The following CTNNA2 variants were observed in gnomAD, a reference collection of about 807,000 sequenced individuals.
CTNNA2 encodes the protein catenin alpha-2.
A neutral mutation model predicts 101.0 loss-of-function variants in CTNNA2; 42 were observed. That is an observed-to-expected ratio of 0.42 (90% CI 0.32 to 0.54). The LOEUF is 0.54. CTNNA2 is among the 20% of genes least tolerant of loss of function. The probability of loss-of-function intolerance (pLI) is 0.14; values close to 1 mark genes in which losing one functional copy is unlikely to be tolerated. For synonymous variants in CTNNA2, 450 were observed against 456.4 expected, an observed-to-expected ratio of 0.99 and a Z score of 0.18; for missense variants, 871 against 1,223.1, an observed-to-expected ratio of 0.71 and a Z score of 4.29.
intron 3 of CTNNA2, among the ~76,000 whole-genome samples, chr2:79,811,771 T>G (rs1378236914): frequency 6.6e-6 from 1 of 152,214 alleles, no homozygotes; most frequent in African/African-American, 2.4e-5. Context: ...AGAATTCTGC[T>G]ATGATTCATC....
chr2:79,647,092 C>T (rs533409562), intron 1 of CTNNA2, among the ~76,000 whole-genome samples: 5 of 152,120 alleles, frequency 3.3e-5, no homozygotes, highest in African/African-American at 7.2e-5. Context: ...GGCAAACAGA[C>T]GGTATTAATT....
intron 1 of CTNNA2, among the ~76,000 whole-genome samples, chr2:79,625,842 T>C (rs368046412): frequency 1.3e-5 from 2 of 152,326 alleles, no homozygotes; most frequent in African/African-American, 4.8e-5. Context: ...TATAGATAAA[T>C]TGAGAATAAT....
At chr2:79,194,491 A>G (rs888529895) in intron 1 of CTNNA2, among the ~76,000 whole-genome samples, 1 of 152,184 alleles carries the variant, frequency 6.6e-6, no homozygotes, top group Non-Finnish European at 1.5e-5. Context: ...CTCTGGCAAG[A>G]CACACCCAAT....
At chr2:80,565,518 AC>A (rs1200621058) in intron 12 of CTNNA2, among the ~76,000 whole-genome samples, 1 of 148,008 alleles carries the variant, frequency 6.8e-6, no homozygotes, top group African/African-American at 2.5e-5. Flanking sequence ...CATTATGCTC[AC>A]CTTTTTTTTT....
intron 6 of CTNNA2, among the ~76,000 whole-genome samples, chr2:79,880,080 G>A (rs932907499): frequency 2.0e-5 from 3 of 152,168 alleles, no homozygotes; most frequent in African/African-American, 7.2e-5. Flanking sequence ...AGATAATCAT[G>A]TGGTTTTGTC....
chr2:80,394,978 T>C (rs1171251695), intron 8 of CTNNA2, among the ~76,000 whole-genome samples: 1 of 152,208 alleles, frequency 6.6e-6, no homozygotes, highest in African/African-American at 2.4e-5. Context: ...ATTACATTTT[T>C]TTTTACATTC....
intron 13 of CTNNA2, among the ~76,000 whole-genome samples, chr2:80,576,614 T>G (rs1321111885): frequency 6.6e-6 from 1 of 151,846 alleles, no homozygotes; most frequent in Non-Finnish European, 1.5e-5. Context: ...ACTGTGAGCT[T>G]CTGGCCACAC....
At chr2:80,194,280 G>A (rs1706698433) in intron 7 of CTNNA2, among the ~76,000 whole-genome samples, 7 of 152,184 alleles carry the variant, frequency 4.6e-5, no homozygotes, top group Admixed American at 4.6e-4. Flanking sequence ...ACATGCTGAT[G>A]CTTCAGATTA....
At chr2:79,693,421 C>G (rs1511182) in intron 2 of CTNNA2, among the ~76,000 whole-genome samples, 39,085 of 151,900 alleles carry the variant, frequency 0.26, 5,432 homozygotes, top group East Asian at 0.54. Context: ...GCATTTGCTT[C>G]ATGACATACC....
At chr2:79,411,861 C>T (rs1436537351) in intron 4 of CTNNA2, among the ~76,000 whole-genome samples, 4 of 152,076 alleles carry the variant, frequency 2.6e-5, no homozygotes, top group African/African-American at 9.7e-5. Context: ...AACCAGCTAA[C>T]ATCATAATGA....
At chr2:79,873,950 G>T in intron 5 of CTNNA2, 126 bp from the exon 6 acceptor site, 1 of 1,413,850 alleles carries the variant, frequency 7.1e-7, no homozygotes, top group Non-Finnish European at 9.4e-7. Context: ...AGGCCTGGCA[G>T]CTAGAAACAG....
intron 7 of CTNNA2, among the ~76,000 whole-genome samples, chr2:80,389,078 C>T (rs906407114): frequency 6.6e-6 from 1 of 152,150 alleles, no homozygotes; most frequent in South Asian, 2.1e-4. Context: ...GCAAGGTTTT[C>T]GTACATTATC....
chr2:79,475,187 G>A (rs1430636), intron 4 of CTNNA2, among the ~76,000 whole-genome samples: 103,173 of 151,398 alleles, frequency 0.68, 35,248 homozygotes, highest in African/African-American at 0.7. Flanking sequence ...CTTTTCTTCA[G>A]TTTTATTTCA....
intron 9 of CTNNA2, among the ~76,000 whole-genome samples, chr2:80,447,627 T>G (rs1009110679): frequency 3.9e-5 from 6 of 152,212 alleles, no homozygotes; most frequent in African/African-American, 1.4e-4. Context: ...TATTCCTCCT[T>G]TCCTTCCTCT....
chr2:79,250,203 G>A (rs2104270458), intron 2 of CTNNA2, among the ~76,000 whole-genome samples: 1 of 152,242 alleles, frequency 6.6e-6, no homozygotes, highest in Middle Eastern at 3.4e-3. Flanking sequence ...AAGTCATTTA[G>A]TAGGGAATTA....
At chr2:80,375,477 A>AACAT (rs1355074731) in intron 7 of CTNNA2, among the ~76,000 whole-genome samples, 5 of 152,064 alleles carry the variant, frequency 3.3e-5, no homozygotes, top group Admixed American at 3.3e-4. Flanking sequence ...TTGAACCCAT[A>AACAT]ACATGGTGAC....
rs186061131 is a variant in CTNNA2 at position 80,313,375 on chromosome 2, G to A, written c.1057-79836G>A. On this transcript the variant is annotated intron_variant, in intron 7 of 18. Coordinates refer to ENST00000402739, the MANE Select transcript of CTNNA2 (RefSeq NM_001282597.3). ...TTGTAAGTCAGATGGAATTTTACCCGATGAGAAGCAGAGTTAGATAAAATG... is the reference window on the plus strand; with the variant it reads ...TTGTAAGTCAGATGGAATTTTACCCAATGAGAAGCAGAGTTAGATAAAATG... 145 of 1,336,850 alleles carry A rather than the reference G, an allele frequency of 1.1e-4. No individual in the cohort carries two copies. In the East Asian group the frequency reaches 2.7e-3, roughly 25 times the overall value. The allele number at this position is 1,336,850 out of a possible 1,614,324, so 82.8% of individuals were successfully genotyped here. A position where few individuals can be genotyped will look rare whatever the true frequency, so the allele number is the denominator to read the frequency against.
chr2:79,771,456 A>G (rs1573927451), intron 3 of CTNNA2, among the ~76,000 whole-genome samples: 1 of 152,228 alleles, frequency 6.6e-6, no homozygotes, highest in African/African-American at 2.4e-5. Flanking sequence ...GTAATATACA[A>G]TGAAATAATT....
chr2:80,636,170 G>C lies in CTNNA2; in HGVS notation c.2575-11415G>C, dbSNP rs530815152. On this transcript the variant is annotated intron_variant, in intron 18 of 18. Coordinates refer to ENST00000402739, the MANE Select transcript of CTNNA2 (RefSeq NM_001282597.3). Reference sequence around the variant, plus strand: ...AAGGCAGCAAGATTGTTGTACTTATGTTCTGGAAAGCTAGTTGGATGAGAT... The same window carrying C: ...AAGGCAGCAAGATTGTTGTACTTATCTTCTGGAAAGCTAGTTGGATGAGAT... Among the ~76,000 whole-genome samples the C allele has an allele frequency of 2.0e-5, 3 of 152,086 alleles. No individual in the cohort carries two copies. In the South Asian group the frequency reaches 6.2e-4, roughly 32 times the overall value.
Sources: allele counts gnomAD v4.1 joint callset (sites outside exome capture counted in the v4.1 genomes callset), GRCh38; gene constraint gnomAD v4.1.1; transcripts MANE v1.5; gene names NCBI Gene and HGNC (gene_info 2026-07-23, HGNC 2026-07-21).